FILIP1L: variants seen among roughly 807,000 people sequenced by gnomAD.
FILIP1L encodes the protein filamin A interacting protein 1 like, also known as filamin A-interacting protein 1-like.
Under a neutral mutation model 96.6 loss-of-function variants are expected in FILIP1L, and 55 were observed. That is an observed-to-expected ratio of 0.57 (90% CI 0.46 to 0.71). The LOEUF (loss-of-function observed/expected upper bound fraction) is 0.71, where lower values mean the gene tolerates loss of function less well. FILIP1L is among the 30% of genes least tolerant of loss of function. The probability of loss-of-function intolerance (pLI) is 0.00; values close to 1 mark genes in which losing one functional copy is unlikely to be tolerated. For missense variants in FILIP1L, 1,304 were observed against 1,321.2 expected (o/e 0.99, Z 0.20); for synonymous variants, 467 against 473.9 (o/e 0.99, Z 0.19).
rs1045734429 is a variant in FILIP1L, at chr3:99,903,338, G to T, written c.605+20892C>A. On this transcript the variant is annotated intron_variant, in intron 4 of 5. Coordinates refer to ENST00000477258, the MANE Select transcript of FILIP1L (RefSeq NM_001387850.1). ...GTGATCTCAGCTCACTGCAACCTCC[G>T]CCTCCCGGGTTCAAGCAATTCTCCT... is the stretch of plus-strand genomic sequence containing the variant. Among the ~76,000 whole-genome samples the T allele has an allele frequency of 5.7e-4, 87 of 151,678 alleles. 1 individual carries two copies. Among genetic ancestry groups the T allele is most frequent in the African/African-American group, 2.0e-3 (82 of 41,348 alleles).
intron 3 of FILIP1L, 61 bp from the exon 4 acceptor site, chr3:99,924,469 C>G: frequency 1.3e-6 from 2 of 1,482,344 alleles, no homozygotes; most frequent in Admixed American, 1.9e-5. Flanking sequence ...GTCTTTCACT[C>G]TTTTAGAAAT....
chr3:99,927,391 C>T (rs1434806899), intron 3 of FILIP1L, among the ~76,000 whole-genome samples: 1 of 145,758 alleles, frequency 6.9e-6, no homozygotes, highest in Non-Finnish European at 1.5e-5. Context: ...TTTTTTGAGA[C>T]GGAGTTTCGC....
intron 4 of FILIP1L, chr3:99,876,104 C>CGGGCCG (rs1705501889): frequency 3.0e-6 from 3 of 986,256 alleles, no homozygotes; most frequent in South Asian, 4.6e-5. Flanking sequence ...GGGCGGGGGC[C>CGGGCCG]GGGCCGGGGC....
intron 4 of FILIP1L, among the ~76,000 whole-genome samples, chr3:99,880,040 C>T (rs17174947): frequency 0.27 from 40,299 of 152,036 alleles, 6,047 homozygotes; most frequent in Admixed American, 0.34. Context: ...ACTGGATAAC[C>T]TTGCCATGGA....
rs577365376 is a variant in FILIP1L at position 100,058,197 on chromosome 3, A to G, written c.-11+55856T>C. Among the ~76,000 whole-genome samples, 4 of 152,356 alleles carry G rather than the reference A, an allele frequency of 2.6e-5. No individual in the cohort carries two copies. In the East Asian group the frequency reaches 5.8e-4, roughly 22 times the overall value. ...TCTGTCTGACTCTAGAGCCTATGCT[A>G]TTACTCTCTATACCCTACTGCCTCT... is the stretch of plus-strand genomic sequence containing the variant. On this transcript the variant is annotated intron_variant, in intron 1 of 5. Transcript: ENST00000477258.
intron 1 of FILIP1L, among the ~76,000 whole-genome samples, chr3:100,006,731 T>C (rs1709998648): frequency 6.6e-6 from 1 of 152,016 alleles, no homozygotes; most frequent in African/African-American, 2.4e-5. Flanking sequence ...CTAGTTAAGT[T>C]AGGAAATTAA....
intron 4 of FILIP1L, among the ~76,000 whole-genome samples, chr3:99,886,921 G>A (rs899995874): frequency 1.4e-5 from 2 of 148,120 alleles, no homozygotes; most frequent in African/African-American, 5.0e-5. Flanking sequence ...AGTGAGCCAA[G>A]ATCATGCAAC....
At chr3:99,887,197 G>T (rs1705929013) in intron 4 of FILIP1L, among the ~76,000 whole-genome samples, 2 of 151,986 alleles carry the variant, frequency 1.3e-5, no homozygotes, top group South Asian at 4.1e-4. Flanking sequence ...AACCCAGGAG[G>T]AGGAGGTCGC....
chr3:99,863,317 T>C (rs548876005), intron 4 of FILIP1L, among the ~76,000 whole-genome samples: 1 of 152,204 alleles, frequency 6.6e-6, no homozygotes, highest in Non-Finnish European at 1.5e-5. Flanking sequence ...CTCATCCCGC[T>C]GCTCACCTCC....
At chr3:99,995,305 C>T (rs1374371944) in intron 1 of FILIP1L, among the ~76,000 whole-genome samples, 1 of 152,190 alleles carries the variant, frequency 6.6e-6, no homozygotes, top group African/African-American at 2.4e-5. Flanking sequence ...CCAAAATGAT[C>T]TCCTTTATCC....
chr3:99,919,840 C>A (rs1707068335), intron 4 of FILIP1L, among the ~76,000 whole-genome samples: 1 of 152,058 alleles, frequency 6.6e-6, no homozygotes, highest in Non-Finnish European at 1.5e-5. Context: ...AAGAACTTCC[C>A]AGGGTGTGGT....
At chr3:99,933,116 C>A (rs902429712) in intron 1 of FILIP1L, among the ~76,000 whole-genome samples, 3 of 152,290 alleles carry the variant, frequency 2.0e-5, no homozygotes, top group Admixed American at 6.5e-5. Flanking sequence ...AGTGGCAAAA[C>A]TGGGATTTGA....
Position 99,847,688 on chromosome 3 carries a change from A to G in FILIP1L, c.3381+607T>C, listed in dbSNP as rs1943430273. Among the ~76,000 whole-genome samples, 4 of 152,176 alleles carry G rather than the reference A, an allele frequency of 2.6e-5. No individual in the cohort carries two copies. In the South Asian group the frequency reaches 8.3e-4, roughly 31 times the overall value. On this transcript the variant is annotated intron_variant, in intron 5 of 5. Coordinates refer to ENST00000477258, the MANE Select transcript of FILIP1L (RefSeq NM_001387850.1). Reference sequence around the variant, plus strand: ...ATACTGAAATATATCCCAAGCATGAAGTTATGTTTGCTTCTGAAAGATCTT... The same window carrying G: ...ATACTGAAATATATCCCAAGCATGAGGTTATGTTTGCTTCTGAAAGATCTT...
intron 1 of FILIP1L, among the ~76,000 whole-genome samples, chr3:99,966,632 A>C (rs1466737282): frequency 1.3e-5 from 2 of 152,200 alleles, no homozygotes; most frequent in Admixed American, 1.3e-4. Flanking sequence ...AGTTTGATTT[A>C]AGATGCCACA....
chr3:99,975,766 C>T (rs928467196), intron 1 of FILIP1L, among the ~76,000 whole-genome samples: 5 of 152,186 alleles, frequency 3.3e-5, no homozygotes, highest in African/African-American at 1.2e-4. Flanking sequence ...CTAATAGTGA[C>T]ATTCTTACTC....
intron 5 of FILIP1L, among the ~76,000 whole-genome samples, chr3:99,835,236 A>G (rs1942848107): frequency 6.6e-6 from 1 of 152,202 alleles, no homozygotes; most frequent in African/African-American, 2.4e-5. Flanking sequence ...TGACCCAGAA[A>G]AGGCCCACTC....
chr3:99,943,565 G>T (rs1303399816), intron 1 of FILIP1L, among the ~76,000 whole-genome samples: 2 of 152,024 alleles, frequency 1.3e-5, no homozygotes, highest in Admixed American at 6.5e-5. Context: ...TTAGCCGGGC[G>T]TGGTGGCATG....
At chr3:99,949,618 A>G (rs1485432543) in intron 1 of FILIP1L, among the ~76,000 whole-genome samples, 1 of 152,210 alleles carries the variant, frequency 6.6e-6, no homozygotes, top group Non-Finnish European at 1.5e-5. Context: ...AGTACTTAAT[A>G]TTTTCCTAAG....
intron 5 of FILIP1L, among the ~76,000 whole-genome samples, chr3:99,836,267 T>C (rs577180989): frequency 6.6e-6 from 1 of 151,432 alleles, no homozygotes; most frequent in South Asian, 2.1e-4. Context: ...TATGACAGAG[T>C]GGAGGATGAG....
Sources: gnomAD v4.1 joint callset for allele counts (sites outside exome capture counted in the v4.1 genomes callset) on GRCh38, gnomAD v4.1.1 for gene constraint, MANE v1.5 for transcripts, NCBI Gene and HGNC (gene_info 2026-07-23, HGNC 2026-07-21) for gene names.